The following NAA60 variants were observed in gnomAD, a reference collection of about 807,000 sequenced individuals.
NAA60 encodes the protein N-alpha-acetyltransferase 60, NatF catalytic subunit.
A neutral mutation model predicts 26.1 loss-of-function variants in NAA60; 8 were observed. That is an observed-to-expected ratio of 0.31 (90% CI 0.18 to 0.55). The LOEUF (loss-of-function observed/expected upper bound fraction) is 0.55, where lower values mean the gene tolerates loss of function less well. Ranked by LOEUF, NAA60 falls within the 20% of genes least tolerant of loss-of-function variation. The probability of loss-of-function intolerance (pLI) is 0.93; values close to 1 mark genes in which losing one functional copy is unlikely to be tolerated. For missense variants in NAA60, 290 were observed against 311.3 expected, an observed-to-expected ratio of 0.93 and a Z score of 0.51; for synonymous variants, 131 against 122.5, an observed-to-expected ratio of 1.07 and a Z score of -0.46.
intron 5 of NAA60, 42 bp downstream of exon 5, chr16:3,482,640 C>CCCAGGG: frequency 2.1e-6 from 3 of 1,420,550 alleles, no homozygotes; most frequent in Non-Finnish European, 2.9e-6. Flanking sequence ...CACCCCACCC[C>CCCAGGG]CTTGCCCTAC....
At chr16:3,477,598 C>T (rs1430829937) in intron 3 of NAA60, among the ~76,000 whole-genome samples, 2 of 146,090 alleles carry the variant, frequency 1.4e-5, no homozygotes, top group African/African-American at 2.5e-5. Context: ...GTCAGGAGTT[C>T]GAGACCAGCC....
intron 2 of NAA60, chr16:3,457,871 C>A: frequency 1.5e-6 from 1 of 657,106 alleles, no homozygotes. Context: ...CAGTGCCCCG[C>A]ATACGGGATC....
rs760310370 is a variant in NAA60 at position 3,483,584 on chromosome 16, C to T, written c.559C>T (p.Pro187Ser). 6.2e-7 allele frequency: 1 copy of T among 1,611,284 alleles called. No homozygotes were observed. Among genetic ancestry groups the T allele is most frequent in the Non-Finnish European group, 8.5e-7 (1 of 1,178,746 alleles). Residue 187 changes from proline to serine, a missense_variant, in exon 6 of 8, where the codon CCC becomes TCC. Transcript: ENST00000407558. Reference protein sequence around the residue: ...YVLYINGGHPPWTILDYIQHL... With the variant: ...YVLYINGGHPSWTILDYIQHL... ...CCTCTACATCAACGGCGGCCACCCT[C>T]CCTGGACGATTTTATATCCTTAACT...
Position 3,476,336 on chromosome 16 carries a change from G to A in NAA60, c.109G>A (p.Glu37Lys), listed in dbSNP as rs200773721. 78 of 1,612,804 alleles carry A rather than the reference G, an allele frequency of 4.8e-5. No individual in the cohort carries two copies. The highest frequency in any genetic ancestry group is 9.3e-5 in the African/African-American group (7 of 74,932). The change falls in exon 3 of 8, where the codon GAG becomes AAG. Residue 37 changes from glutamate (E) to lysine (K), a missense_variant and splice_region_variant. Physicochemically the swap from Glu to Lys is moderately conservative, Grantham distance 56. Transcript: ENST00000407558. ...CCTGTGTGGCGACTGGTTCCCCATCGAGTAAGTGGAGCGGATTGCAGGGTT... is the reference window on the plus strand; with the variant it reads ...CCTGTGTGGCGACTGGTTCCCCATCAAGTAAGTGGAGCGGATTGCAGGGTT... Reference protein sequence around the residue: ...KHLCGDWFPIEYPDSWYRDIT... With the variant: ...KHLCGDWFPIKYPDSWYRDIT...
intron 2 of NAA60, among the ~76,000 whole-genome samples, chr16:3,464,185 C>T (rs1205030154): frequency 1.3e-5 from 2 of 152,158 alleles, no homozygotes; most frequent in Non-Finnish European, 2.9e-5. Flanking sequence ...AGCCACCATG[C>T]CTGGCTAATT....
chr16:3,467,101 A>G (rs972996611), intron 2 of NAA60, among the ~76,000 whole-genome samples: 2 of 152,112 alleles, frequency 1.3e-5, no homozygotes, highest in African/African-American at 4.8e-5. Context: ...CCAGAGAGAA[A>G]GAGCCTGAGG....
At chr16:3,466,516 A>G (rs913693888) in intron 2 of NAA60, among the ~76,000 whole-genome samples, 16 of 152,370 alleles carry the variant, frequency 1.1e-4, no homozygotes, top group Admixed American at 3.9e-4. Flanking sequence ...TGAGCAAGAC[A>G]GTGGCCTGTA....
chr16:3,451,777 G>T (rs779613044), intron 2 of NAA60, among the ~76,000 whole-genome samples: 21 of 151,476 alleles, frequency 1.4e-4, no homozygotes, highest in Admixed American at 9.9e-4. Flanking sequence ...AACTAGTGAG[G>T]CTTGGTGGTA....
intron 1 of NAA60, among the ~76,000 whole-genome samples, chr16:3,445,435 G>C (rs370032634): frequency 3.6e-4 from 55 of 151,720 alleles, no homozygotes; most frequent in African/African-American, 1.3e-3. Flanking sequence ...CACCACGTCC[G>C]GCTAATTTTT....
chr16:3,455,811 G>A (rs1011663646), intron 2 of NAA60, among the ~76,000 whole-genome samples: 34 of 151,840 alleles, frequency 2.2e-4, no homozygotes, highest in African/African-American at 7.7e-4. Flanking sequence ...GAGTTCAAGC[G>A]ATTCTCCCAC....
At chr16:3,471,346 C>A (rs986450786) in intron 2 of NAA60, among the ~76,000 whole-genome samples, 2 of 151,634 alleles carry the variant, frequency 1.3e-5, no homozygotes, top group Non-Finnish European at 2.9e-5. Context: ...CTAAAAATAC[C>A]AAAAAAATTA....
chr16:3,478,402 C>T (rs1176322260), intron 3 of NAA60, among the ~76,000 whole-genome samples: 1 of 152,208 alleles, frequency 6.6e-6, no homozygotes, highest in African/African-American at 2.4e-5. Context: ...AGCCACCCAG[C>T]CTGCCTGTCT....
intron 1 of NAA60, chr16:3,447,716 G>A: frequency 1.3e-6 from 1 of 790,788 alleles, no homozygotes; most frequent in Non-Finnish European, 1.5e-6. Flanking sequence ...TTGCTACCTA[G>A]TCTCCAGTCT....
intron 2 of NAA60, among the ~76,000 whole-genome samples, chr16:3,473,480 C>T (rs1451526408): frequency 6.6e-6 from 1 of 152,152 alleles, no homozygotes; most frequent in Non-Finnish European, 1.5e-5. Flanking sequence ...GGCGAAACTG[C>T]TCCCATGACT....
At chr16:3,450,380 G>C (rs540253455) in intron 2 of NAA60, among the ~76,000 whole-genome samples, 6 of 152,286 alleles carry the variant, frequency 3.9e-5, no homozygotes, top group African/African-American at 1.4e-4. Flanking sequence ...TTGGAAGCTT[G>C]TGGATTTCTT....
intron 2 of NAA60, chr16:3,450,054 G>A: frequency 2.5e-6 from 1 of 394,512 alleles, no homozygotes; most frequent in Non-Finnish European, 4.5e-6. Context: ...AGAAGAAGAA[G>A]GAACTAAAGA....
At chr16:3,466,667 C>G (rs1473745115) in intron 2 of NAA60, among the ~76,000 whole-genome samples, 1 of 152,194 alleles carries the variant, frequency 6.6e-6, no homozygotes, top group African/African-American at 2.4e-5. Context: ...TGAGCACATG[C>G]TAATCTCCCT....
At chr16:3,476,411 G>A in intron 3 of NAA60, 74 bp downstream of exon 3, 2 of 1,230,962 alleles carry the variant, frequency 1.6e-6, no homozygotes, top group Non-Finnish European at 2.3e-6. Flanking sequence ...CGGGGGTGGG[G>A]GCCTCTTGGG....
intron 2 of NAA60, among the ~76,000 whole-genome samples, chr16:3,451,060 C>T (rs973769911): frequency 1.2e-4 from 18 of 152,180 alleles, no homozygotes; most frequent in Non-Finnish European, 2.6e-4. Flanking sequence ...TCTAGAAGCT[C>T]CATTGTTGTT....
Sources: gnomAD v4.1 joint callset for allele counts (sites outside exome capture counted in the v4.1 genomes callset) on GRCh38, gnomAD v4.1.1 for gene constraint, MANE v1.5 for transcripts, NCBI Gene and HGNC (gene_info 2026-07-23, HGNC 2026-07-21) for gene names.